The following PPP1R12B variants were observed in gnomAD, a reference collection of about 807,000 sequenced individuals.
The protein encoded by PPP1R12B is protein phosphatase 1 regulatory subunit 12B.
In PPP1R12B, 76 loss-of-function variants were observed where a neutral mutation model predicts 126.1. That is an observed-to-expected ratio of 0.60 (90% CI 0.50 to 0.73). PPP1R12B has a LOEUF of 0.73. PPP1R12B is among the 30% of genes least tolerant of loss of function. The probability of loss-of-function intolerance (pLI) is 0.00; values close to 1 mark genes in which losing one functional copy is unlikely to be tolerated. For synonymous variants in PPP1R12B, 356 were observed against 434.7 expected (o/e 0.82, Z 2.25); for missense variants, 1,052 against 1,205.1 (o/e 0.87, Z 1.88).
intron 18 of PPP1R12B, among the ~76,000 whole-genome samples, chr1:202,516,754 T>G (rs767887892): frequency 6.6e-6 from 1 of 152,244 alleles, no homozygotes; most frequent in Non-Finnish European, 1.5e-5. Context: ...TCCACATTTC[T>G]GCTTTCTCTC....
At chr1:202,532,677 T>C (rs962908122) in intron 18 of PPP1R12B, among the ~76,000 whole-genome samples, 1 of 152,028 alleles carries the variant, frequency 6.6e-6, no homozygotes, top group Non-Finnish European at 1.5e-5. Flanking sequence ...CTTAGAGTCC[T>C]CTGTAAAGAG....
intron 15 of PPP1R12B, among the ~76,000 whole-genome samples, chr1:202,494,137 T>G (rs868598442): frequency 1.3e-5 from 2 of 152,230 alleles, no homozygotes; most frequent in Non-Finnish European, 1.5e-5. Flanking sequence ...AGAAGAAAGG[T>G]ATCTCCTTCT....
chr1:202,412,819 A>G (rs1667586749), intron 1 of PPP1R12B, among the ~76,000 whole-genome samples: 2 of 152,206 alleles, frequency 1.3e-5, no homozygotes, highest in Admixed American at 1.3e-4. Flanking sequence ...CAAAAAAGAA[A>G]AATAAATAAA....
Position 202,510,197 on chromosome 1 carries a change from A to G in PPP1R12B, c.2490+13375A>G, listed in dbSNP as rs1467000029. On this transcript the variant is annotated intron_variant, in intron 18 of 23. Coordinates refer to ENST00000608999, the MANE Select transcript of PPP1R12B (RefSeq NM_002481.4). ...GTATCATTTCTGGAGTTCTTGACTT[A>G]GAGCTAAGGGCGTGTGTAGATACTG... Among the ~76,000 whole-genome samples the G allele has an allele frequency of 3.9e-5, 6 of 152,222 alleles. No individual in the cohort carries two copies. The East Asian group carries it at 7.7e-4, about 20-fold the overall frequency.
chr1:202,473,111 C>A (rs1303174868), intron 13 of PPP1R12B, among the ~76,000 whole-genome samples: 3 of 152,198 alleles, frequency 2.0e-5, no homozygotes, highest in African/African-American at 7.2e-5. Flanking sequence ...TTAAAAAATT[C>A]TTAATGGAAT....
At chr1:202,478,653 A>G (rs778354903) in intron 13 of PPP1R12B, among the ~76,000 whole-genome samples, 1 of 152,146 alleles carries the variant, frequency 6.6e-6, no homozygotes, top group Non-Finnish European at 1.5e-5. Flanking sequence ...ATATATTTAC[A>G]TACAATCTGG....
intron 3 of PPP1R12B, among the ~76,000 whole-genome samples, chr1:202,423,404 A>G (rs1011866278): frequency 2.6e-5 from 4 of 152,068 alleles, no homozygotes; most frequent in African/African-American, 9.7e-5. Context: ...TTCATCCCAG[A>G]GGATTTAGCT....
chr1:202,444,213 T>C (rs1365141333), intron 12 of PPP1R12B, among the ~76,000 whole-genome samples: 1 of 152,226 alleles, frequency 6.6e-6, no homozygotes, highest in African/African-American at 2.4e-5. Flanking sequence ...CTCTTGTGTA[T>C]AGGCAGAAAT....
chr1:202,580,031 T>C (rs1026356673), intron 23 of PPP1R12B, among the ~76,000 whole-genome samples: 27 of 152,330 alleles, frequency 1.8e-4, no homozygotes, highest in Middle Eastern at 3.4e-3. Flanking sequence ...TGTGAAGCAG[T>C]ATCCTCCTTT....
intron 23 of PPP1R12B, among the ~76,000 whole-genome samples, chr1:202,578,925 G>A (rs1036209204): frequency 6.6e-5 from 10 of 152,154 alleles, no homozygotes; most frequent in East Asian, 1.9e-4. Context: ...TCCATCCCAC[G>A]TGTAATAAAA....
intron 1 of PPP1R12B, chr1:202,369,435 A>C (rs906261946): frequency 6.6e-5 from 10 of 152,572 alleles, no homozygotes; most frequent in African/African-American, 2.2e-4. Flanking sequence ...GCTCAACAAA[A>C]ATATTCTGTG....
intron 18 of PPP1R12B, among the ~76,000 whole-genome samples, chr1:202,498,829 G>A (rs1472008032): frequency 6.6e-6 from 1 of 152,154 alleles, no homozygotes; most frequent in Non-Finnish European, 1.5e-5. Context: ...TAATCAGCAT[G>A]GATACAGTTG....
intron 13 of PPP1R12B, among the ~76,000 whole-genome samples, chr1:202,459,330 G>T (rs1674022149): frequency 6.6e-6 from 1 of 152,132 alleles, no homozygotes; most frequent in Non-Finnish European, 1.5e-5. Context: ...AGGGCATGAA[G>T]GAATATTAAT....
At position 202,499,184 on chromosome 1, in the gene PPP1R12B, T is replaced by C. The variant is rs1344600966; in HGVS notation, c.2490+2362T>C. On this transcript the variant is annotated intron_variant, in intron 18 of 23. Transcript: ENST00000608999. Reference sequence around the variant, plus strand: ...AATAAGTGATACTAATCTATGGTGATAGAAATCAGAAGAGTGGTTGCCTCT... The same window carrying C: ...AATAAGTGATACTAATCTATGGTGACAGAAATCAGAAGAGTGGTTGCCTCT... Among the ~76,000 whole-genome samples the C allele has an allele frequency of 3.3e-5, 5 of 152,290 alleles. No homozygotes were observed. In the East Asian group the frequency reaches 7.7e-4, roughly 23 times the overall value.
At chr1:202,439,666 C>G (rs960818655) in intron 10 of PPP1R12B, 2 of 688,458 alleles carry the variant, frequency 2.9e-6, no homozygotes, top group Non-Finnish European at 5.1e-6. Context: ...CCTGGTCCGG[C>G]CCCCTTCTCC....
chr1:202,406,536 A>G (rs1265765662), intron 1 of PPP1R12B, among the ~76,000 whole-genome samples: 3 of 152,204 alleles, frequency 2.0e-5, no homozygotes, highest in Non-Finnish European at 4.4e-5. Flanking sequence ...CCTGGCCATG[A>G]ACTCTATTTC....
rs888039662 is a variant in PPP1R12B at position 202,536,771 on chromosome 1, GT to G, written c.2491-22095del. The stretch of plus-strand genomic sequence containing the variant: ...ATTCTTAATCTATAAGCTTTTATCT[GT>G]TTTTTTTTTTAACTTTAAAACTTTC... On this transcript the variant is annotated intron_variant, in intron 18 of 23. Transcript: ENST00000608999. 2.5e-3 allele frequency among the ~76,000 whole-genome samples: 369 copies of G among 145,420 alleles called. 1 individual carries two copies. Among genetic ancestry groups the G allele is most frequent in the Admixed American group, 5.1e-3 (75 of 14,624 alleles).
chr1:202,519,781 G>C (rs1190495827), intron 18 of PPP1R12B, among the ~76,000 whole-genome samples: 1 of 152,104 alleles, frequency 6.6e-6, no homozygotes, highest in Non-Finnish European at 1.5e-5. Flanking sequence ...TATCTGGTCA[G>C]TTTGATACAT....
rs1671754086 is a variant in PPP1R12B, at chr1:202,442,448, G to C, written c.1543G>C (p.Glu515Gln). 6.2e-7 allele frequency: 1 copy of C among 1,609,920 alleles called. No homozygotes were observed. Among genetic ancestry groups the C allele is most frequent in the African/African-American group, 1.3e-5 (1 of 74,616 alleles). Reference protein sequence around the residue: ...TSDIEEKENRESAVNLVRSGS... With the variant: ...TSDIEEKENRQSAVNLVRSGS... The stretch of plus-strand genomic sequence containing the variant: ...TGTTTTCCTTTCATGCTTCTACAGA[G>C]AATCAGCTGTTAATCTAGTGAGGAG... The change falls in exon 12 of 24, where the codon GAA (glutamate) becomes CAA (glutamine). Residue 515 changes from glutamate (E) to glutamine (Q), a missense_variant and splice_region_variant. Coordinates refer to ENST00000608999, the MANE Select transcript of PPP1R12B (RefSeq NM_002481.4).
Sources: allele counts gnomAD v4.1 joint callset (sites outside exome capture counted in the v4.1 genomes callset), GRCh38; gene constraint gnomAD v4.1.1; transcripts MANE v1.5; gene names NCBI Gene and HGNC (gene_info 2026-07-23, HGNC 2026-07-21).